Variants in RUNX1 observed in about 807,000 individuals in gnomAD.
The protein encoded by RUNX1 is RUNX family transcription factor 1, also known as runt-related transcription factor 1.
Under a neutral mutation model 42.8 loss-of-function variants are expected in RUNX1, and 19 were observed. The observed-to-expected ratio is 0.44, with a 90% confidence interval of 0.31 to 0.65. The LOEUF is 0.65. RUNX1 is among the 30% of genes least tolerant of loss of function. The pLI is 0.07. For missense variants in RUNX1, 528 were observed against 672.0 expected (o/e 0.79, Z 2.37); for synonymous variants, 271 against 289.4 (o/e 0.94, Z 0.64).
chr21:34,889,527 C>T (rs964834295), intron 3 of RUNX1: 5 of 347,032 alleles, frequency 1.4e-5, no homozygotes, highest in African/African-American at 8.9e-5. Flanking sequence ...AAAGCAGCCA[C>T]GCGGCTTGCT....
intron 7 of RUNX1, among the ~76,000 whole-genome samples, chr21:34,804,805 C>A (rs1454720131): frequency 2.7e-5 from 4 of 150,174 alleles, no homozygotes; most frequent in African/African-American, 7.4e-5. Context: ...TGCAGTGGCG[C>A]AATCTTGGCT....
intron 2 of RUNX1, among the ~76,000 whole-genome samples, chr21:34,938,612 T>C (rs1484710390): frequency 6.6e-6 from 1 of 152,138 alleles, no homozygotes; most frequent in Non-Finnish European, 1.5e-5. Flanking sequence ...TGCTTTGCTA[T>C]ATGTGGAGAT....
intron 6 of RUNX1, among the ~76,000 whole-genome samples, chr21:34,841,296 C>T (rs2057231265): frequency 6.6e-6 from 1 of 152,060 alleles, no homozygotes; most frequent in South Asian, 2.1e-4. Context: ...TCCTAGGAAT[C>T]CCTTTTACCC....
chr21:34,996,141 G>C (rs2058993473), intron 2 of RUNX1, among the ~76,000 whole-genome samples: 1 of 152,094 alleles, frequency 6.6e-6, no homozygotes. Flanking sequence ...CTATTGACTT[G>C]GACCTTCCAT....
intron 2 of RUNX1, among the ~76,000 whole-genome samples, chr21:35,001,340 A>C (rs2059041902): frequency 6.7e-6 from 1 of 149,704 alleles, no homozygotes; most frequent in Non-Finnish European, 1.5e-5. Flanking sequence ...ATATACGCAT[A>C]TATAACATAC....
intron 5 of RUNX1, among the ~76,000 whole-genome samples, chr21:34,864,122 C>T (rs1173695657): frequency 6.6e-6 from 1 of 152,250 alleles, no homozygotes; most frequent in Non-Finnish European, 1.5e-5. Flanking sequence ...ACATGCTCTG[C>T]CCTCCACGTG....
chr21:34,835,666 T>A (rs1601418307), intron 6 of RUNX1, among the ~76,000 whole-genome samples: 1 of 152,286 alleles, frequency 6.6e-6, no homozygotes, highest in African/African-American at 2.4e-5. Flanking sequence ...TTAAAGACAA[T>A]GGCCTCCTGC....
intron 2 of RUNX1, among the ~76,000 whole-genome samples, chr21:34,999,769 A>C (rs1601656248): frequency 6.6e-6 from 1 of 152,332 alleles, no homozygotes; most frequent in African/African-American, 2.4e-5. Flanking sequence ...CTCTCCCGTT[A>C]GGCACAAGAC....
chr21:34,892,989 AAAAGT>A, intron 2 of RUNX1, 26 bp from the exon 3 acceptor site: 1 of 1,496,850 alleles, frequency 6.7e-7, no homozygotes, highest in Non-Finnish European at 9.3e-7. Flanking sequence ...GTAGGAAAAT[AAAAGT>A]AATGCAAGTT....
chr21:35,005,473 C>T (rs1027234741), intron 2 of RUNX1, among the ~76,000 whole-genome samples: 1 of 152,162 alleles, frequency 6.6e-6, no homozygotes, highest in Non-Finnish European at 1.5e-5. Flanking sequence ...TTAATCTATA[C>T]TAAGAACCTT....
At chr21:34,855,914 G>A (rs949771313) in intron 6 of RUNX1, among the ~76,000 whole-genome samples, 11 of 152,068 alleles carry the variant, frequency 7.2e-5, no homozygotes, top group African/African-American at 2.4e-4. Flanking sequence ...TGGTGCTCTT[G>A]CTCCATGATA....
rs1046982706 is a variant in RUNX1, at chr21:34,834,643, A to C, written c.614-42T>G. ...GGAGGGGAGGGGATGGGGGGAGGGA[A>C]GGAGGGAGGGAAGAGATCAGAAAAA... On this transcript the variant is annotated intron_variant, in intron 6 of 8. Transcript: ENST00000675419. 2.9e-6 allele frequency: 4 copies of C among 1,358,568 alleles called. No homozygotes were observed. The African/African-American group carries it at 5.7e-5, about 19-fold the overall frequency. 84.2% of individuals were successfully genotyped at this position (1,358,568 alleles called of 1,614,324 possible).
Position 34,880,548 on chromosome 21 carries a change from A to G in RUNX1, c.508+9T>C. 6.2e-7 allele frequency: 1 copy of G among 1,614,016 alleles called. No individual in the cohort carries two copies. Among genetic ancestry groups the G allele is most frequent in the Non-Finnish European group, 8.5e-7 (1 of 1,179,880 alleles). ...CGTGTTTCAAGCATAGTTTTGACAGATAACGTACCTCTTCCACTTCGACCG... is the reference window on the plus strand; with the variant it reads ...CGTGTTTCAAGCATAGTTTTGACAGGTAACGTACCTCTTCCACTTCGACCG... On this transcript the variant is annotated intron_variant, in intron 5 of 8. Transcript: ENST00000675419.
intron 2 of RUNX1, among the ~76,000 whole-genome samples, chr21:35,006,244 G>C (rs2059083572): frequency 6.6e-6 from 1 of 152,220 alleles, no homozygotes; most frequent in Non-Finnish European, 1.5e-5. Context: ...ACACGTGGAA[G>C]ATTGGAGATT....
At chr21:34,974,940 T>C (rs957653390) in intron 2 of RUNX1, among the ~76,000 whole-genome samples, 2 of 152,224 alleles carry the variant, frequency 1.3e-5, no homozygotes, top group Admixed American at 6.5e-5. Flanking sequence ...TTTTAACTTA[T>C]TAAGTTCTCA....
intron 2 of RUNX1, among the ~76,000 whole-genome samples, chr21:34,984,412 G>T (rs1027428403): frequency 1.4e-5 from 2 of 143,086 alleles, no homozygotes; most frequent in African/African-American, 2.5e-5. Flanking sequence ...CCCATATGAG[G>T]GCAGAAAAAA....
Position 34,912,838 on chromosome 21 carries a change from G to A in RUNX1, c.59-19875C>T, listed in dbSNP as rs573721392. Among the ~76,000 whole-genome samples the A allele has an allele frequency of 1.2e-4, 18 of 152,350 alleles. 1 individual carries two copies. The East Asian group carries it at 2.1e-3, about 18-fold the overall frequency. On this transcript the variant is annotated intron_variant, in intron 2 of 8. Coordinates refer to ENST00000675419, the MANE Select transcript of RUNX1 (RefSeq NM_001754.5). ...GGATCTGAGCTCAACATTCCAAACC[G>A]ATGCAAACTAGGGTGTGGGGAGAAG...
chr21:35,005,395 C>T (rs2059076753), intron 2 of RUNX1, among the ~76,000 whole-genome samples: 1 of 152,174 alleles, frequency 6.6e-6, no homozygotes, highest in South Asian at 2.1e-4. Context: ...ACACTTGAGT[C>T]AAATTGGAGT....
intron 2 of RUNX1, among the ~76,000 whole-genome samples, chr21:34,937,542 C>A (rs962180480): frequency 9.9e-5 from 15 of 152,034 alleles, no homozygotes; most frequent in Non-Finnish European, 1.8e-4. Flanking sequence ...TATTAACAGT[C>A]ACTTTTTATG....
Sources: gnomAD v4.1 joint callset for allele counts (sites outside exome capture counted in the v4.1 genomes callset) on GRCh38, gnomAD v4.1.1 for gene constraint, MANE v1.5 for transcripts, NCBI Gene and HGNC (gene_info 2026-07-23, HGNC 2026-07-21) for gene names.